CLSTN2: variants seen among roughly 807,000 people sequenced by gnomAD.
The protein encoded by CLSTN2 is calsyntenin 2.
A neutral mutation model predicts 101.2 loss-of-function variants in CLSTN2; 48 were observed. That is an observed-to-expected ratio of 0.47 (90% CI 0.38 to 0.60). CLSTN2 has a LOEUF of 0.60. Among genes scored for constraint, CLSTN2 ranks in the 20% least tolerant of loss-of-function variants. The pLI, the probability that CLSTN2 is intolerant of heterozygous loss-of-function variation, is 0.00. For synonymous variants in CLSTN2, 481 were observed against 463.6 expected, an observed-to-expected ratio of 1.04 and a Z score of -0.48; for missense variants, 1,160 against 1,238.2, an observed-to-expected ratio of 0.94 and a Z score of 0.95.
At chr3:140,076,911 G>A (rs753204442) in intron 1 of CLSTN2, among the ~76,000 whole-genome samples, 1 of 152,080 alleles carries the variant, frequency 6.6e-6, no homozygotes, top group East Asian at 1.9e-4. Flanking sequence ...TTTAAACACT[G>A]CCTTGCACGG....
intron 1 of CLSTN2, among the ~76,000 whole-genome samples, chr3:140,109,754 C>T (rs954594615): frequency 4.6e-5 from 7 of 152,068 alleles, no homozygotes; most frequent in African/African-American, 1.4e-4. Flanking sequence ...AGAGACAGGA[C>T]CAAAGAATTA....
At chr3:140,213,357 G>A (rs1358730352) in intron 2 of CLSTN2, among the ~76,000 whole-genome samples, 2 of 152,156 alleles carry the variant, frequency 1.3e-5, no homozygotes, top group Non-Finnish European at 2.9e-5. Flanking sequence ...GCAGGGGTAG[G>A]GAAGCAATAA....
intron 2 of CLSTN2, among the ~76,000 whole-genome samples, chr3:140,239,733 G>A (rs150840001): frequency 1.1e-4 from 17 of 152,176 alleles, no homozygotes; most frequent in African/African-American, 1.9e-4. Context: ...AAATTTTGAT[G>A]TGTACACATT....
intron 3 of CLSTN2, among the ~76,000 whole-genome samples, chr3:140,404,189 G>A (rs751763262): frequency 6.6e-6 from 1 of 152,170 alleles, no homozygotes; most frequent in Non-Finnish European, 1.5e-5. Context: ...TTTTCACTGT[G>A]GGTTGTCACT....
rs1284054785 is a variant in CLSTN2, at chr3:140,574,828, G to A, written c.*8575G>A. The A allele has an allele frequency of 6.6e-6, 1 of 152,264 alleles. No homozygotes were observed. Among genetic ancestry groups the A allele is most frequent in the Non-Finnish European group, 1.5e-5 (1 of 68,060 alleles). The allele number at this position is 152,264 out of a possible 1,614,324, so 9.4% of individuals were successfully genotyped here. A position where few individuals can be genotyped will look rare whatever the true frequency, so the allele number is the denominator to read the frequency against. On this transcript the variant is annotated 3_prime_UTR_variant, in exon 17 of 17. Transcript: ENST00000458420. ...AGAGAGAATCAACCCACAGGTCTCA[G>A]CTGCAGACTCCAGCACCTCTGCAGA...
At chr3:140,264,973 C>T (rs933120420) in intron 2 of CLSTN2, among the ~76,000 whole-genome samples, 3 of 152,152 alleles carry the variant, frequency 2.0e-5, no homozygotes, top group Admixed American at 2.0e-4. Context: ...TTTCATCCTT[C>T]CCTCCTTCAC....
intron 1 of CLSTN2, among the ~76,000 whole-genome samples, chr3:139,954,986 T>A (rs1053132752): frequency 6.6e-6 from 1 of 151,626 alleles, no homozygotes; most frequent in Non-Finnish European, 1.5e-5. Flanking sequence ...TTTACTTTTT[T>A]GACAGCCAAA....
chr3:140,161,944 A>G (rs971701311), intron 1 of CLSTN2, among the ~76,000 whole-genome samples: 1 of 152,218 alleles, frequency 6.6e-6, no homozygotes, highest in Admixed American at 6.5e-5. Flanking sequence ...ATTTACTTAT[A>G]ATTAACAATA....
chr3:140,491,516 G>A (rs1934351814), intron 8 of CLSTN2, among the ~76,000 whole-genome samples: 1 of 152,186 alleles, frequency 6.6e-6, no homozygotes, highest in Non-Finnish European at 1.5e-5. Context: ...CTTCACAGTT[G>A]TAAAATGAAA....
At chr3:140,305,056 T>A (rs113286094) in intron 2 of CLSTN2, among the ~76,000 whole-genome samples, 1,903 of 117,104 alleles carry the variant, frequency 0.016, 29 homozygotes, top group African/African-American at 0.055. Context: ...ACACACACAC[T>A]CTCTCTCTCT....
At chr3:139,946,957 G>T (rs996884873) in intron 1 of CLSTN2, among the ~76,000 whole-genome samples, 10 of 152,188 alleles carry the variant, frequency 6.6e-5, no homozygotes, top group Non-Finnish European at 1.3e-4. Flanking sequence ...TAGTTTCATT[G>T]AATATGTGTT....
chr3:140,315,124 G>A (rs1042568518), intron 2 of CLSTN2, among the ~76,000 whole-genome samples: 1 of 152,210 alleles, frequency 6.6e-6, no homozygotes, highest in African/African-American at 2.4e-5. Context: ...ATGAGGGAAG[G>A]GAGGATGGCC....
At chr3:140,295,322 T>C (rs1410954285) in intron 2 of CLSTN2, among the ~76,000 whole-genome samples, 3 of 152,232 alleles carry the variant, frequency 2.0e-5, no homozygotes, top group Non-Finnish European at 2.9e-5. Context: ...TCAGCTTGTA[T>C]AGTGGGTATT....
intron 1 of CLSTN2, among the ~76,000 whole-genome samples, chr3:140,064,925 G>A (rs1023237381): frequency 6.6e-6 from 1 of 152,194 alleles, no homozygotes. Flanking sequence ...ATATGGAATA[G>A]ATTAAGTCAA....
chr3:139,971,224 G>A (rs143698792), intron 1 of CLSTN2, among the ~76,000 whole-genome samples: 2 of 152,318 alleles, frequency 1.3e-5, no homozygotes, highest in Non-Finnish European at 2.9e-5. Flanking sequence ...GAGCTTCAGT[G>A]CTTTGCAGGG....
intron 8 of CLSTN2, among the ~76,000 whole-genome samples, chr3:140,473,477 A>G (rs1028596964): frequency 6.6e-6 from 1 of 152,202 alleles, no homozygotes; most frequent in Non-Finnish European, 1.5e-5. Flanking sequence ...GCAATATAAT[A>G]GTAAGTGTTC....
chr3:140,230,178 A>G lies in CLSTN2; in HGVS notation c.232+54105A>G, dbSNP rs142321625. On this transcript the variant is annotated intron_variant, in intron 2 of 16. Transcript: ENST00000458420. The stretch of plus-strand genomic sequence containing the variant: ...TCAGGCCGCAGCAAGCAGGGGAAAG[A>G]GGCCGTTTTGGCATGGTTGCTGATG... Among the ~76,000 whole-genome samples, 63 of 152,192 alleles carry G rather than the reference A, an allele frequency of 4.1e-4. 1 individual carries two copies. Among genetic ancestry groups the G allele is most frequent in the Non-Finnish European group, 6.8e-4 (46 of 68,016 alleles).
chr3:140,071,647 C>T (rs145175009), intron 1 of CLSTN2, among the ~76,000 whole-genome samples: 2,339 of 151,992 alleles, frequency 0.015, 59 homozygotes, highest in African/African-American at 0.053. Flanking sequence ...CTGTCTAACA[C>T]GGTGAAACCC....
chr3:140,306,335 C>T (rs1163042094), intron 2 of CLSTN2, among the ~76,000 whole-genome samples: 3 of 152,166 alleles, frequency 2.0e-5, no homozygotes, highest in Non-Finnish European at 4.4e-5. Flanking sequence ...CCCACTATCA[C>T]CTCCTTCATT....
Sources: gnomAD v4.1 joint callset for allele counts (sites outside exome capture counted in the v4.1 genomes callset) on GRCh38, gnomAD v4.1.1 for gene constraint, MANE v1.5 for transcripts, NCBI Gene and HGNC (gene_info 2026-07-23, HGNC 2026-07-21) for gene names.